Variants in SCN8A observed in about 807,000 individuals in gnomAD.
The protein encoded by SCN8A is sodium channel protein type 8 subunit alpha.
In SCN8A, 30 loss-of-function variants were observed where a neutral mutation model predicts 184.1. The ratio of observed to expected loss-of-function variants is 0.16; its 90% confidence interval spans 0.12 to 0.22. SCN8A has a LOEUF of 0.22. SCN8A is among the 10% of genes least tolerant of loss of function. The pLI, the probability that SCN8A is intolerant of heterozygous loss-of-function variation, is 1.00. For missense variants in SCN8A, 1,057 were observed against 2,498.9 expected (o/e 0.42, Z 12.30); for synonymous variants, 852 against 907.0 (o/e 0.94, Z 1.09).
At chr12:51,617,302 T>A (rs1160026895) in intron 1 of SCN8A, among the ~76,000 whole-genome samples, 1 of 152,138 alleles carries the variant, frequency 6.6e-6, no homozygotes, top group Non-Finnish European at 1.5e-5. Flanking sequence ...TCGTTTCTAA[T>A]TTTTTTCTCT....
intron 2 of SCN8A, among the ~76,000 whole-genome samples, chr12:51,682,149 C>T (rs1299163563): frequency 1.3e-5 from 2 of 152,162 alleles, no homozygotes; most frequent in Non-Finnish European, 2.9e-5. Context: ...TTTTCAAATG[C>T]TAAACTATCT....
At chr12:51,783,967 T>A (rs1938003523) in intron 21 of SCN8A, among the ~76,000 whole-genome samples, 1 of 152,256 alleles carries the variant, frequency 6.6e-6, no homozygotes, top group African/African-American at 2.4e-5. Flanking sequence ...TTTCCATGTC[T>A]AGTTCTTAAC....
At position 51,617,200 on chromosome 12, in the gene SCN8A, A is replaced by G. The variant is rs374323836; in HGVS notation, c.-55+25841A>G. ...TTTCTTCAAATACTTTTTGTGCACT[A>G]TACTTTCTCCTTACCTGTTGGGCCT... On this transcript the variant is annotated intron_variant, in intron 1 of 26. Transcript: ENST00000627620. Among the ~76,000 whole-genome samples the G allele has an allele frequency of 1.1e-4, 17 of 152,188 alleles. No homozygotes were observed. In the East Asian group the frequency reaches 1.7e-3, roughly 16 times the overall value.
intron 24 of SCN8A, 22 bp from the exon 25 acceptor site, chr12:51,790,376 G>A: frequency 1.3e-6 from 2 of 1,567,358 alleles, no homozygotes; most frequent in Non-Finnish European, 1.7e-6. Context: ...GTAATTGTCT[G>A]TTTTCTTCTT....
chr12:51,594,226 G>A (rs1270013294), intron 1 of SCN8A, among the ~76,000 whole-genome samples: 4 of 152,124 alleles, frequency 2.6e-5, no homozygotes, highest in Non-Finnish European at 5.9e-5. Context: ...ACATAACGTA[G>A]CTCATTCCAT....
intron 2 of SCN8A, among the ~76,000 whole-genome samples, chr12:51,674,745 C>T (rs1941193668): frequency 6.6e-6 from 1 of 152,198 alleles, no homozygotes; most frequent in South Asian, 2.1e-4. Context: ...TAACGAGTGC[C>T]TGTTCTGTAC....
chr12:51,648,381 A>C (rs527810797), intron 1 of SCN8A, among the ~76,000 whole-genome samples: 1 of 152,154 alleles, frequency 6.6e-6, no homozygotes, highest in East Asian at 1.9e-4. Flanking sequence ...ATGTGTCTCT[A>C]TGTAGTCTCC....
At chr12:51,643,059 C>G (rs1239892501) in intron 1 of SCN8A, among the ~76,000 whole-genome samples, 5 of 152,092 alleles carry the variant, frequency 3.3e-5, no homozygotes, top group Admixed American at 6.5e-5. Context: ...ATTGTTTAAC[C>G]CAGTTTCACA....
chr12:51,631,551 C>G (rs1254153054), intron 1 of SCN8A, among the ~76,000 whole-genome samples: 1 of 152,200 alleles, frequency 6.6e-6, no homozygotes, highest in African/African-American at 2.4e-5. Context: ...TCCAGTGTAG[C>G]AAGAAAGCAA....
At chr12:51,740,171 C>T (rs1490892410) in intron 12 of SCN8A, among the ~76,000 whole-genome samples, 4 of 152,174 alleles carry the variant, frequency 2.6e-5, no homozygotes, top group East Asian at 1.9e-4. Context: ...CCAGCTTGGG[C>T]GTTAGGGCCA....
At chr12:51,649,356 A>T (rs1247838767) in intron 1 of SCN8A, among the ~76,000 whole-genome samples, 1 of 152,180 alleles carries the variant, frequency 6.6e-6, no homozygotes, top group East Asian at 1.9e-4. Context: ...TCACAGCTCC[A>T]CTAGGCATTG....
intron 4 of SCN8A, 85 bp from the exon 5 acceptor site, chr12:51,687,006 C>A: frequency 1.4e-6 from 2 of 1,429,008 alleles, no homozygotes; most frequent in Non-Finnish European, 2.0e-6. Flanking sequence ...TTAGTTGAAG[C>A]AACACTTCAG....
At chr12:51,671,709 G>A (rs1361307272) in intron 2 of SCN8A, among the ~76,000 whole-genome samples, 1 of 152,212 alleles carries the variant, frequency 6.6e-6, no homozygotes, top group African/African-American at 2.4e-5. Flanking sequence ...TTATTTTACA[G>A]AGGGATGCTT....
intron 6 of SCN8A, chr12:51,690,105 G>T (rs989585113): frequency 1.3e-5 from 2 of 152,162 alleles, no homozygotes; most frequent in Non-Finnish European, 2.9e-5. Flanking sequence ...TTAAAGGAAA[G>T]ATATTTTAGT....
intron 1 of SCN8A, among the ~76,000 whole-genome samples, chr12:51,592,906 G>T (rs1178573367): frequency 6.6e-6 from 1 of 151,854 alleles, no homozygotes; most frequent in African/African-American, 2.4e-5. Flanking sequence ...TTTTCTCCAC[G>T]TGCATTAGAA....
intron 12 of SCN8A, among the ~76,000 whole-genome samples, chr12:51,733,495 A>G (rs1408426421): frequency 1.6e-4 from 24 of 152,112 alleles, no homozygotes. Context: ...GTATTTTTGC[A>G]TCAATATTCA....
At chr12:51,786,255 T>C (rs996012398) in intron 21 of SCN8A, among the ~76,000 whole-genome samples, 1 of 152,200 alleles carries the variant, frequency 6.6e-6, no homozygotes, top group Non-Finnish European at 1.5e-5. Flanking sequence ...TAAGAAATAA[T>C]TTTTCAGTCC....
chr12:51,799,092 C>T (rs138500544), intron 26 of SCN8A, among the ~76,000 whole-genome samples: 1,638 of 152,176 alleles, frequency 0.011, 25 homozygotes, highest in African/African-American at 0.035. Flanking sequence ...CGTGCAGAAC[C>T]GTCTGTAAAC....
chr12:51,699,679 G>A lies in SCN8A; in HGVS notation c.816G>A (p.Leu272=), dbSNP rs1941651590. Reference sequence around the variant, plus strand: ...TTTTTGCCTTGATCGGACTGCAGCTGTTCATGGGGAACCTTCGAAACAAGT... The same window carrying A: ...TTTTTGCCTTGATCGGACTGCAGCTATTCATGGGGAACCTTCGAAACAAGT... ...LSVFALIGLQ[L]FMGNLRNKCV... is the part of the protein sequence containing the mutation. The change falls in exon 7 of 27, where the codon CTG becomes CTA. Residue 272 remains leucine, a synonymous_variant. Coordinates refer to ENST00000627620, the MANE Select transcript of SCN8A (RefSeq NM_001330260.2). The A allele has an allele frequency of 1.9e-6, 3 of 1,614,040 alleles. No homozygotes were observed. The highest frequency in any genetic ancestry group is 2.5e-6 in the Non-Finnish European group (3 of 1,179,960).
Sources: gnomAD v4.1 joint callset for allele counts (sites outside exome capture counted in the v4.1 genomes callset) on GRCh38, gnomAD v4.1.1 for gene constraint, MANE v1.5 for transcripts, NCBI Gene and HGNC (gene_info 2026-07-23, HGNC 2026-07-21) for gene names.